Variants in PCED1B observed in about 807,000 individuals in gnomAD.
The protein encoded by PCED1B is PC-esterase domain containing 1B, also known as PC-esterase domain-containing protein 1B.
For synonymous variants in PCED1B, 251 were observed against 246.1 expected (o/e 1.02, Z -0.19); for missense variants, 573 against 573.9 (o/e 1.00, Z 0.02).
At chr12:47,156,605 C>T (rs12368600) in intron 2 of PCED1B, among the ~76,000 whole-genome samples, 3 of 151,574 alleles carry the variant, frequency 2.0e-5, no homozygotes, top group African/African-American at 7.3e-5. Context: ...CCTTTAGAAC[C>T]TATTCTAGCC....
rs145480910 is a variant in PCED1B at position 47,097,865 on chromosome 12, G to A, written c.-608-6248G>A. On this transcript the variant is annotated intron_variant, in intron 1 of 3. Transcript: ENST00000546455. ...CTGTGATGGCCGTGCCACCATTACAGCAGCAGTTTATTTTCTGTGCAATTT... is the reference window on the plus strand; with the variant it reads ...CTGTGATGGCCGTGCCACCATTACAACAGCAGTTTATTTTCTGTGCAATTT... 2.3e-3 allele frequency among the ~76,000 whole-genome samples: 349 copies of A among 152,322 alleles called. 3 individuals carry two copies. Among genetic ancestry groups the A allele is most frequent in the South Asian group, 0.022 (106 of 4,816 alleles).
chr12:47,179,070 G>A (rs972481972), intron 2 of PCED1B, among the ~76,000 whole-genome samples: 1 of 152,056 alleles, frequency 6.6e-6, no homozygotes, highest in African/African-American at 2.4e-5. Context: ...ATTGCGAATT[G>A]GAGCATTACC....
intron 2 of PCED1B, among the ~76,000 whole-genome samples, chr12:47,109,368 T>C (rs1191366283): frequency 2.0e-5 from 3 of 152,140 alleles, no homozygotes; most frequent in Admixed American, 6.5e-5. Flanking sequence ...TTTTTTTTTT[T>C]TTTAGTTTTA....
intron 2 of PCED1B, among the ~76,000 whole-genome samples, chr12:47,144,365 A>G (rs1940709423): frequency 6.6e-6 from 1 of 152,138 alleles, no homozygotes; most frequent in Non-Finnish European, 1.5e-5. Flanking sequence ...AGGATCTCTA[A>G]ATGACTTTGA....
At chr12:47,129,238 T>A (rs968021773) in intron 2 of PCED1B, among the ~76,000 whole-genome samples, 8 of 152,288 alleles carry the variant, frequency 5.3e-5, no homozygotes, top group Middle Eastern at 3.4e-3. Context: ...TTTGGGAGGC[T>A]GAGGCAGGTG....
intron 2 of PCED1B, among the ~76,000 whole-genome samples, chr12:47,111,034 A>C (rs976216086): frequency 1.3e-5 from 2 of 152,212 alleles, no homozygotes; most frequent in African/African-American, 4.8e-5. Flanking sequence ...CACTGAATTC[A>C]ATTGCTTTGT....
intron 2 of PCED1B, among the ~76,000 whole-genome samples, chr12:47,161,252 C>T (rs189982725): frequency 5.3e-4 from 80 of 152,068 alleles, no homozygotes; most frequent in African/African-American, 9.9e-4. Flanking sequence ...TTAGATAAGG[C>T]GACATATGGT....
chr12:47,124,389 G>A (rs1380218374), intron 2 of PCED1B, among the ~76,000 whole-genome samples: 81 of 151,846 alleles, frequency 5.3e-4, no homozygotes, highest in Non-Finnish European at 4.4e-5. Flanking sequence ...CCATTGCATG[G>A]ATATACCAAA....
At chr12:47,178,994 G>C (rs1942014293) in intron 2 of PCED1B, among the ~76,000 whole-genome samples, 1 of 152,040 alleles carries the variant, frequency 6.6e-6, no homozygotes, top group African/African-American at 2.4e-5. Flanking sequence ...AACAGGCCCT[G>C]AGGCAATTGT....
intron 2 of PCED1B, among the ~76,000 whole-genome samples, chr12:47,194,807 G>A (rs1337285535): frequency 6.6e-6 from 1 of 152,172 alleles, no homozygotes; most frequent in Non-Finnish European, 1.5e-5. Flanking sequence ...GAAGAGAAAG[G>A]TGCCGTGTGG....
At chr12:47,092,529 G>T (rs562618787) in intron 1 of PCED1B, among the ~76,000 whole-genome samples, 2 of 151,934 alleles carry the variant, frequency 1.3e-5, no homozygotes, top group South Asian at 4.2e-4. Flanking sequence ...CTGACCTTTT[G>T]CATTGGCTAG....
At chr12:47,227,365 C>T (rs1049407404) in intron 3 of PCED1B, among the ~76,000 whole-genome samples, 2 of 151,754 alleles carry the variant, frequency 1.3e-5, no homozygotes, top group South Asian at 2.1e-4. Flanking sequence ...GAGAGGGGGG[C>T]TTTCAGCATG....
intron 2 of PCED1B, among the ~76,000 whole-genome samples, chr12:47,134,177 G>A (rs893868569): frequency 2.6e-5 from 4 of 152,190 alleles, no homozygotes; most frequent in African/African-American, 9.7e-5. Context: ...TACATTCCAT[G>A]ACATCATGGG....
chr12:47,187,337 C>T (rs832734), intron 2 of PCED1B, among the ~76,000 whole-genome samples: 21,206 of 151,894 alleles, frequency 0.14, 3,873 homozygotes, highest in African/African-American at 0.42. Flanking sequence ...AAAGGAAGCA[C>T]CAGGAAATTG....
intron 2 of PCED1B, among the ~76,000 whole-genome samples, chr12:47,179,779 G>A (rs998109137): frequency 1.3e-5 from 2 of 152,068 alleles, no homozygotes; most frequent in African/African-American, 2.4e-5. Flanking sequence ...TAGAGACTGA[G>A]GGTACAGCAG....
chr12:47,103,006 C>T (rs1418003664), intron 1 of PCED1B, among the ~76,000 whole-genome samples: 2 of 152,058 alleles, frequency 1.3e-5, no homozygotes, highest in African/African-American at 2.4e-5. Context: ...GTCTTGTATG[C>T]TCTCTTATGT....
intron 1 of PCED1B, among the ~76,000 whole-genome samples, chr12:47,090,413 C>T (rs1469742281): frequency 6.6e-6 from 1 of 152,176 alleles, no homozygotes; most frequent in African/African-American, 2.4e-5. Flanking sequence ...TAAACAATTA[C>T]ATAAGCAGAA....
intron 1 of PCED1B, among the ~76,000 whole-genome samples, chr12:47,090,960 A>G (rs890179066): frequency 3.3e-5 from 5 of 152,066 alleles, no homozygotes; most frequent in Admixed American, 6.5e-5. Context: ...TTTGTCTACT[A>G]ACAAGTACTG....
chr12:47,221,710 A>G (rs568361343), intron 3 of PCED1B, among the ~76,000 whole-genome samples: 32 of 152,318 alleles, frequency 2.1e-4, no homozygotes, highest in African/African-American at 7.5e-4. Flanking sequence ...TTGTTGGTCA[A>G]TGCAATATTT....
Sources: gnomAD v4.1 joint callset for allele counts (sites outside exome capture counted in the v4.1 genomes callset) on GRCh38, gnomAD v4.1.1 for gene constraint, MANE v1.5 for transcripts, NCBI Gene and HGNC (gene_info 2026-07-23, HGNC 2026-07-21) for gene names.